The following NRG1 variants were observed in gnomAD, a reference collection of about 807,000 sequenced individuals.
NRG1 encodes the protein pro-neuregulin-1, membrane-bound isoform.
Under a neutral mutation model 63.8 loss-of-function variants are expected in NRG1, and 18 were observed. The ratio of observed to expected loss-of-function variants is 0.28; its 90% CI spans 0.19 to 0.42. The LOEUF is 0.42. NRG1 is among the 10% of genes least tolerant of loss of function. The pLI is 1.00. For missense variants in NRG1, 762 were observed against 814.7 expected, an observed-to-expected ratio of 0.94 and a Z score of 0.79; for synonymous variants, 302 against 301.3, an observed-to-expected ratio of 1.00 and a Z score of -0.02.
chr8:32,248,105 AG>A (rs1313842498), intron 1 of NRG1, among the ~76,000 whole-genome samples: 1 of 152,136 alleles, frequency 6.6e-6, no homozygotes, highest in African/African-American at 2.4e-5. Flanking sequence ...ATATGACTTC[AG>A]AATAAAATGA....
intron 1 of NRG1, among the ~76,000 whole-genome samples, chr8:32,479,432 G>A (rs1166426847): frequency 6.6e-6 from 1 of 151,782 alleles, no homozygotes; most frequent in Non-Finnish European, 1.5e-5. Context: ...AGCCGAGATC[G>A]TACCACTGCA....
At chr8:32,372,486 T>C (rs1809035652) in intron 1 of NRG1, among the ~76,000 whole-genome samples, 1 of 152,082 alleles carries the variant, frequency 6.6e-6, no homozygotes, top group South Asian at 2.1e-4. Context: ...AGGCAGCAAT[T>C]GGTGAGTTTG....
chr8:32,083,278 G>A (rs1827747480), intron 1 of NRG1, among the ~76,000 whole-genome samples: 1 of 152,190 alleles, frequency 6.6e-6, no homozygotes, highest in African/African-American at 2.4e-5. Flanking sequence ...TTTTAATGAA[G>A]TATCAAAAAT....
chr8:32,146,506 G>A (rs1836883146), intron 1 of NRG1, among the ~76,000 whole-genome samples: 1 of 152,044 alleles, frequency 6.6e-6, no homozygotes, highest in Admixed American at 6.6e-5. Context: ...CCTAATCAAT[G>A]TAAAAAAATT....
At chr8:31,853,898 T>A (rs187352878) in intron 1 of NRG1, among the ~76,000 whole-genome samples, 17,531 of 150,456 alleles carry the variant, frequency 0.12, 1,164 homozygotes, top group Admixed American at 0.18. Flanking sequence ...GGCTCTGTTT[T>A]TATGCTGGAT....
intron 5 of NRG1, among the ~76,000 whole-genome samples, chr8:32,686,233 A>G (rs1160129149): frequency 6.6e-6 from 1 of 152,212 alleles, no homozygotes; most frequent in African/African-American, 2.4e-5. Context: ...TGGCAAAAAG[A>G]GAAAAAAACT....
At chr8:32,578,974 A>C (rs1171330895) in intron 1 of NRG1, among the ~76,000 whole-genome samples, 8 of 152,172 alleles carry the variant, frequency 5.3e-5, no homozygotes, top group Non-Finnish European at 1.2e-4. Flanking sequence ...TTTTAGGTTT[A>C]TTAAATTTTT....
intron 1 of NRG1, among the ~76,000 whole-genome samples, chr8:32,225,607 T>A (rs1846240714): frequency 6.6e-6 from 1 of 152,166 alleles, no homozygotes; most frequent in Non-Finnish European, 1.5e-5. Flanking sequence ...ATATGTGATA[T>A]ATGCAATACC....
intron 1 of NRG1, among the ~76,000 whole-genome samples, chr8:32,224,140 A>C (rs1321637463): frequency 6.6e-6 from 1 of 152,210 alleles, no homozygotes; most frequent in Non-Finnish European, 1.5e-5. Context: ...TACAATGAAA[A>C]TGAGAACTGA....
In NRG1 at chr8:31,640,044, C is replaced by A; in HGVS notation, c.37+613C>A. The A allele has an allele frequency of 1.8e-6, 2 of 1,142,366 alleles. No individual in the cohort carries two copies. Among genetic ancestry groups the A allele is most frequent in the Non-Finnish European group, 2.1e-6 (2 of 932,380 alleles). 70.8% of individuals were successfully genotyped at this position (1,142,366 alleles called of 1,614,324 possible). Reference sequence around the variant, plus strand: ...GTCCCGGCCCCCGGGCCCAGCGCCCCGGCTCCGCCGCCCGCTCGTCGCCGC... The same window carrying A: ...GTCCCGGCCCCCGGGCCCAGCGCCCAGGCTCCGCCGCCCGCTCGTCGCCGC... On this transcript the variant is annotated intron_variant, in intron 1 of 10. Coordinates refer to the NRG1 transcript ENST00000519301. This position sits in a 1 kb window ranked among gnomAD's most constrained non-coding sequence, Gnocchi z 6.3.
chr8:32,771,276 ATTTTTTTTTTTTTTTTT>A (rs553989637), downstream of NRG1, among the ~76,000 whole-genome samples: 1 of 92,754 alleles, frequency 1.1e-5, no homozygotes, highest in Non-Finnish European at 2.0e-5. Flanking sequence ...ATGCCCAGCG[ATTTTTTTTTTTTTTTTT>A]TTTTTTTTTT....
chr8:32,178,338 G>A (rs1173803326), intron 1 of NRG1, among the ~76,000 whole-genome samples: 1 of 152,128 alleles, frequency 6.6e-6, no homozygotes, highest in Non-Finnish European at 1.5e-5. Context: ...GGTCAGGCTC[G>A]ATGGCTCACC....
chr8:32,386,530 G>A (rs971777608), intron 1 of NRG1, among the ~76,000 whole-genome samples: 3 of 152,122 alleles, frequency 2.0e-5, no homozygotes, highest in Non-Finnish European at 4.4e-5. Context: ...AATTTTCACC[G>A]AGTACCTATT....
At position 32,618,990 on chromosome 8, in the gene NRG1, A is replaced by T. The variant is rs191749313; in HGVS notation, c.502+2105A>T. Among the ~76,000 whole-genome samples the T allele has an allele frequency of 8.5e-5, 13 of 152,264 alleles. No individual in the cohort carries two copies. The East Asian group carries it at 2.5e-3, about 29-fold the overall frequency. On this transcript the variant is annotated intron_variant, in intron 5 of 11. Coordinates refer to ENST00000356819, the Ensembl canonical transcript of NRG1. ...CATTTTGGGAGGCCAAGGCGGGAAG[A>T]TTGCTTGAGCCCAAGAGTTTGAGGC... is the stretch of plus-strand genomic sequence containing the variant.
At chr8:31,905,820 C>A (rs1377470072) in intron 1 of NRG1, among the ~76,000 whole-genome samples, 2 of 152,130 alleles carry the variant, frequency 1.3e-5, no homozygotes, top group Non-Finnish European at 2.9e-5. Context: ...ATCAACTAAG[C>A]ATAATATCTC....
intron 1 of NRG1, among the ~76,000 whole-genome samples, chr8:32,265,178 A>T (rs7818199): frequency 0.5 from 76,546 of 151,622 alleles, 20,253 homozygotes; most frequent in East Asian, 0.82. Flanking sequence ...TACAGAAAAA[A>T]TTTTAAATTA....
intron 1 of NRG1, among the ~76,000 whole-genome samples, chr8:31,921,956 TTC>T (rs1383551721): frequency 2.6e-5 from 4 of 152,184 alleles, no homozygotes; most frequent in Non-Finnish European, 5.9e-5. Flanking sequence ...GAAAAGAAAT[TTC>T]TCTTTCAGCT....
At chr8:32,342,270 T>C (rs1194069324) in intron 1 of NRG1, among the ~76,000 whole-genome samples, 1 of 152,218 alleles carries the variant, frequency 6.6e-6, no homozygotes, top group Non-Finnish European at 1.5e-5. Context: ...TGCTCTATTA[T>C]GTACAATTTT....
intron 1 of NRG1, among the ~76,000 whole-genome samples, chr8:32,210,291 A>T (rs892639709): frequency 2.6e-5 from 4 of 152,194 alleles, no homozygotes; most frequent in Non-Finnish European, 4.4e-5. Context: ...GTTTGAACAC[A>T]GGAATACCCA....
Sources: gnomAD v4.1 joint callset for allele counts (sites outside exome capture counted in the v4.1 genomes callset) on GRCh38, gnomAD v4.1.1 for gene constraint, Gnocchi (gnomAD v3.1) non-coding constraint, MANE v1.5 for transcripts, NCBI Gene and HGNC (gene_info 2026-07-23, HGNC 2026-07-21) for gene names.